The following TRERF1 variants were observed in gnomAD, a reference collection of about 807,000 sequenced individuals.
TRERF1 encodes the protein transcriptional regulating factor 1.
TRERF1 carries 27 observed loss-of-function variants against 122.9 expected under a neutral mutation model. The observed-to-expected ratio is 0.22, with a 90% CI of 0.16 to 0.30. The LOEUF (loss-of-function observed/expected upper bound fraction) is 0.30. Among genes scored for constraint, TRERF1 ranks in the 10% least tolerant of loss-of-function variants. TRERF1 has a pLI of 1.00. For missense variants in TRERF1, 1,248 were observed against 1,560.3 expected, an observed-to-expected ratio of 0.80 and a Z score of 3.37; for synonymous variants, 636 against 641.7, an observed-to-expected ratio of 0.99 and a Z score of 0.13.
intron 3 of TRERF1, among the ~76,000 whole-genome samples, chr6:42,313,693 G>C (rs1448808639): frequency 6.6e-6 from 1 of 152,180 alleles, no homozygotes; most frequent in Non-Finnish European, 1.5e-5. Context: ...CCATATGAGG[G>C]AGAACCTATT....
chr6:42,261,181 C>T (rs138670950), intron 8 of TRERF1, among the ~76,000 whole-genome samples: 29 of 152,326 alleles, frequency 1.9e-4, no homozygotes, highest in East Asian at 7.7e-4. Flanking sequence ...TGTGCCCCCC[C>T]CAAGGGGAGC....
At chr6:42,291,736 G>A (rs1003945345) in intron 4 of TRERF1, among the ~76,000 whole-genome samples, 9 of 151,006 alleles carry the variant, frequency 6.0e-5, no homozygotes, top group East Asian at 1.9e-4. Context: ...TAGTAGAGAC[G>A]GGGTTTCACC....
intron 8 of TRERF1, among the ~76,000 whole-genome samples, chr6:42,260,702 C>A (rs1157074963): frequency 6.6e-6 from 1 of 152,128 alleles, no homozygotes; most frequent in South Asian, 2.1e-4. Flanking sequence ...CCAGTCACAG[C>A]TGCAGGTCCT....
At chr6:42,367,278 A>G (rs564981936) in intron 2 of TRERF1, among the ~76,000 whole-genome samples, 1 of 152,322 alleles carries the variant, frequency 6.6e-6, no homozygotes, top group Admixed American at 6.5e-5. Flanking sequence ...CACAGAGGCC[A>G]CAGAGCATTT....
At chr6:42,408,265 GTA>G (rs550834251) in intron 2 of TRERF1, among the ~76,000 whole-genome samples, 1 of 109,340 alleles carries the variant, frequency 9.1e-6, no homozygotes, top group African/African-American at 3.8e-5. Context: ...ACATGTGTGT[GTA>G]TGTATATATA....
intron 3 of TRERF1, among the ~76,000 whole-genome samples, chr6:42,310,272 C>T (rs1380023958): frequency 6.6e-6 from 1 of 152,176 alleles, no homozygotes; most frequent in Admixed American, 6.5e-5. Context: ...CCCCGGCCTA[C>T]ACATTTTAAG....
Position 42,234,054 on chromosome 6 carries a change from A to C in TRERF1, c.3067-1162T>G, listed in dbSNP as rs541157400. Among the ~76,000 whole-genome samples, 291 of 152,268 alleles carry C rather than the reference A, an allele frequency of 1.9e-3. 1 individual carries two copies. The highest frequency in any genetic ancestry group is 6.4e-3 in the African/African-American group (266 of 41,542). ...TGATGGGTGGGGGGCTCTGTTGTAT[A>C]GGATGTTTAGCAGCATCTCTGGCCC... On this transcript the variant is annotated intron_variant, in intron 16 of 17. Transcript: ENST00000372922.
At chr6:42,299,662 T>C (rs887095542) in intron 4 of TRERF1, among the ~76,000 whole-genome samples, 9 of 152,248 alleles carry the variant, frequency 5.9e-5, no homozygotes, top group Non-Finnish European at 1.0e-4. Flanking sequence ...TATTTAAAGA[T>C]GTTTTTTGAA....
chr6:42,258,416 C>T (rs1186452482), intron 9 of TRERF1, among the ~76,000 whole-genome samples: 2 of 152,210 alleles, frequency 1.3e-5, no homozygotes, highest in Non-Finnish European at 2.9e-5. Flanking sequence ...GAGAAGCCAG[C>T]TGTCCCACAA....
chr6:42,361,608 C>T (rs1439240666), intron 3 of TRERF1, among the ~76,000 whole-genome samples: 2 of 152,190 alleles, frequency 1.3e-5, no homozygotes, highest in Non-Finnish European at 2.9e-5. Context: ...CCTACCATCC[C>T]TCACAGCCGG....
intron 3 of TRERF1, among the ~76,000 whole-genome samples, chr6:42,341,732 G>A (rs749611853): frequency 2.0e-5 from 3 of 151,868 alleles, no homozygotes; most frequent in South Asian, 4.2e-4. Context: ...GTTGTTTCAC[G>A]AAAAAAAATG....
At chr6:42,436,909 T>A (rs1399926715) in intron 2 of TRERF1, among the ~76,000 whole-genome samples, 2 of 148,706 alleles carry the variant, frequency 1.3e-5, no homozygotes, top group African/African-American at 5.0e-5. Context: ...CTAACAAAGC[T>A]TTCAATTATG....
chr6:42,426,725 G>A (rs770300326), intron 2 of TRERF1, among the ~76,000 whole-genome samples: 2 of 152,144 alleles, frequency 1.3e-5, no homozygotes, highest in Non-Finnish European at 2.9e-5. Context: ...ATTCATTTAC[G>A]AGTGATCTGT....
chr6:42,330,994 C>G (rs902893074), intron 3 of TRERF1, among the ~76,000 whole-genome samples: 1 of 151,872 alleles, frequency 6.6e-6, no homozygotes, highest in Non-Finnish European at 1.5e-5. Context: ...TTTTTTTTAA[C>G]GGGGAAGCTG....
chr6:42,441,960 C>T (rs923788727), intron 2 of TRERF1, among the ~76,000 whole-genome samples: 1 of 152,108 alleles, frequency 6.6e-6, no homozygotes, highest in Non-Finnish European at 1.5e-5. Context: ...AAGGAATGAG[C>T]GTTTGCGAGG....
At chr6:42,436,817 ATAT>A (rs1562210426) in intron 2 of TRERF1, among the ~76,000 whole-genome samples, 1,461 of 75,692 alleles carry the variant, frequency 0.019, 20 homozygotes, top group East Asian at 0.098. Flanking sequence ...AAAAAAAAAT[ATAT>A]ATATATATAT....
At chr6:42,420,738 C>T (rs1255169990) in intron 2 of TRERF1, among the ~76,000 whole-genome samples, 1 of 151,882 alleles carries the variant, frequency 6.6e-6, no homozygotes, top group Non-Finnish European at 1.5e-5. Flanking sequence ...AGAATCAAAC[C>T]CAGGAGTTGG....
chr6:42,403,847 C>T (rs773253348), intron 2 of TRERF1, among the ~76,000 whole-genome samples: 12 of 152,176 alleles, frequency 7.9e-5, no homozygotes, highest in Non-Finnish European at 1.5e-4. Context: ...TCCTCCAGGG[C>T]TTCATTGTCC....
chr6:42,263,667 G>T lies in TRERF1; in HGVS notation c.1636-99C>A. On this transcript the variant is annotated intron_variant, in intron 7 of 17. Transcript: ENST00000372922. The surrounding 1 kb of genome is among the most constrained non-coding windows in gnomAD (Gnocchi z 5.6). Reference sequence around the variant, plus strand: ...GAAAGGTTCCAGGACATCAGGTATGGGTGATAGAGAACCGCTGCAGGGCGA... The same window carrying T: ...GAAAGGTTCCAGGACATCAGGTATGTGTGATAGAGAACCGCTGCAGGGCGA... 1 of 1,348,130 alleles carries T rather than the reference G, an allele frequency of 7.4e-7. No individual in the cohort carries two copies. The highest frequency in any genetic ancestry group is 9.6e-7 in the Non-Finnish European group (1 of 1,046,206). 83.5% of individuals were successfully genotyped at this position (1,348,130 alleles called of 1,614,324 possible).
Sources: gnomAD v4.1 joint callset for allele counts (sites outside exome capture counted in the v4.1 genomes callset) on GRCh38, gnomAD v4.1.1 for gene constraint, Gnocchi (gnomAD v3.1) non-coding constraint, MANE v1.5 for transcripts, NCBI Gene and HGNC (gene_info 2026-07-23, HGNC 2026-07-21) for gene names.